The following PEPD variants were observed in gnomAD, a reference collection of about 807,000 sequenced individuals.
PEPD encodes the protein peptidase D.
Under a neutral mutation model 60.7 loss-of-function variants are expected in PEPD, and 53 were observed. The observed-to-expected ratio is 0.87, with a 90% confidence interval of 0.70 to 1.10. The LOEUF (loss-of-function observed/expected upper bound fraction) is 1.10, where lower values mean the gene tolerates loss of function less well. Ranked by LOEUF, PEPD falls within the 50% of genes least tolerant of loss-of-function variation. PEPD has a pLI of 0.00. For synonymous variants in PEPD, 267 were observed against 284.1 expected, an observed-to-expected ratio of 0.94 and a Z score of 0.60; for missense variants, 711 against 711.9, an observed-to-expected ratio of 1.00 and a Z score of 0.01.
intron 9 of PEPD, among the ~76,000 whole-genome samples, chr19:33,416,044 C>T (rs781540766): frequency 1.3e-5 from 2 of 152,130 alleles, no homozygotes; most frequent in Non-Finnish European, 2.9e-5. Context: ...GCAGCTGTGG[C>T]GGCACAGGGG....
intron 12 of PEPD, among the ~76,000 whole-genome samples, chr19:33,393,604 C>T (rs1968290613): frequency 6.7e-6 from 1 of 149,490 alleles, no homozygotes; most frequent in Non-Finnish European, 1.5e-5. Context: ...CTCTCAGAGC[C>T]TCTGTGTCAC....
At chr19:33,503,590 C>A (rs1970750050) in intron 3 of PEPD, among the ~76,000 whole-genome samples, 1 of 152,200 alleles carries the variant, frequency 6.6e-6, no homozygotes, top group Non-Finnish European at 1.5e-5. Flanking sequence ...AGCAACCACA[C>A]TCTCAGCACC....
chr19:33,494,100 G>A (rs1970551137), intron 4 of PEPD, among the ~76,000 whole-genome samples: 1 of 152,130 alleles, frequency 6.6e-6, no homozygotes, highest in Non-Finnish European at 1.5e-5. Context: ...CCAGCAAAGT[G>A]CCATGTGCCA....
At chr19:33,468,899 G>T (rs1356940642) in intron 7 of PEPD, among the ~76,000 whole-genome samples, 1 of 152,196 alleles carries the variant, frequency 6.6e-6, no homozygotes, top group African/African-American at 2.4e-5. Flanking sequence ...CTGGGACCAG[G>T]CACTTGCTCC....
intron 3 of PEPD, among the ~76,000 whole-genome samples, chr19:33,505,236 T>TCGCCGACTCTCACTCTGCTCTCC (rs1240150676): frequency 1.3e-5 from 2 of 151,924 alleles, no homozygotes; most frequent in Non-Finnish European, 2.9e-5. Flanking sequence ...CAATGCTGCC[T>TCGCCGACTCTCACTCTGCTCTCC]CGCCGACTCT....
intron 7 of PEPD, among the ~76,000 whole-genome samples, chr19:33,464,758 C>A (rs1480081613): frequency 6.6e-6 from 1 of 152,156 alleles, no homozygotes; most frequent in Non-Finnish European, 1.5e-5. Flanking sequence ...ACTCCTGAGG[C>A]TTCCAGGTCC....
chr19:33,468,087 G>A (rs1485991562), intron 7 of PEPD, among the ~76,000 whole-genome samples: 1 of 152,134 alleles, frequency 6.6e-6, no homozygotes, highest in African/African-American at 2.4e-5. Context: ...GAGCCCTTTC[G>A]GTTTGGGGCT....
intron 1 of PEPD, among the ~76,000 whole-genome samples, chr19:33,515,570 C>T (rs1971009936): frequency 6.6e-6 from 1 of 152,094 alleles, no homozygotes; most frequent in Non-Finnish European, 1.5e-5. Context: ...GCCTCCCACG[C>T]CCTTTCCCTT....
At chr19:33,442,542 T>TACAA (rs199808014) in intron 9 of PEPD, among the ~76,000 whole-genome samples, 1,471 of 97,172 alleles carry the variant, frequency 0.015, 19 homozygotes, top group South Asian at 0.078. Context: ...CTACTAAAAA[T>TACAA]AAAATAAAAA....
In PEPD at chr19:33,459,440, C is replaced by T. The variant is rs1001987528; in HGVS notation, c.671+3555G>A. 5.3e-5 allele frequency among the ~76,000 whole-genome samples: 8 copies of T among 152,150 alleles called. No individual in the cohort carries two copies. The South Asian group carries it at 8.3e-4, about 16-fold the overall frequency. ...GTAATGGATCCGGCCGCCAGCCCCA[C>T]GCCAGCTGGCTACAAGCTGGGTACG... On this transcript the variant is annotated intron_variant, in intron 9 of 14. Transcript: ENST00000244137.
At chr19:33,443,631 T>G (rs1266913150) in intron 9 of PEPD, among the ~76,000 whole-genome samples, 1 of 152,148 alleles carries the variant, frequency 6.6e-6, no homozygotes, top group Non-Finnish European at 1.5e-5. Context: ...AGATAGGAAA[T>G]TTTTTGAAAA....
chr19:33,429,783 C>CA (rs1320768984), intron 9 of PEPD, among the ~76,000 whole-genome samples: 1 of 152,130 alleles, frequency 6.6e-6, no homozygotes, highest in Non-Finnish European at 1.5e-5. Flanking sequence ...AATTACAGAG[C>CA]AATAAGTCAC....
Position 33,401,771 on chromosome 19 carries a change from T to G in PEPD, c.917A>C (p.Tyr306Ser). 6.2e-7 allele frequency: 1 copy of G among 1,611,660 alleles called. No homozygotes were observed. The highest frequency in any genetic ancestry group is 1.1e-5 in the South Asian group (1 of 90,722). Residue 306 changes from tyrosine to serine, a missense_variant, in exon 12 of 15, where the codon TAT becomes TCT. By Grantham distance (144) the Tyr-to-Ser change is moderately radical (BLOSUM62 -2). Transcript: ENST00000244137. ...ACGGGAGCTCCGCAGCACTGCCTCA[T>G]AGACGGCCTTCTGGTCTGCAGTGAA... is the stretch of plus-strand genomic sequence containing the variant. ...GKFTADQKAV[Y>S]EAVLRSSRAV...
intron 3 of PEPD, among the ~76,000 whole-genome samples, chr19:33,501,596 G>C (rs972186721): frequency 6.6e-6 from 1 of 152,108 alleles, no homozygotes; most frequent in Non-Finnish European, 1.5e-5. Context: ...AGAGTCACTT[G>C]AACCCAGGAG....
At chr19:33,479,360 A>C (rs1452057476) in intron 6 of PEPD, among the ~76,000 whole-genome samples, 1 of 152,218 alleles carries the variant, frequency 6.6e-6, no homozygotes, top group Non-Finnish European at 1.5e-5. Context: ...CTTTAGATGT[A>C]AATGGATTAA....
chr19:33,473,973 T>C (rs1317044475), intron 7 of PEPD, among the ~76,000 whole-genome samples: 1 of 152,208 alleles, frequency 6.6e-6, no homozygotes, highest in African/African-American at 2.4e-5. Flanking sequence ...GAAAGCGAGT[T>C]TGCCTGTGCT....
intron 9 of PEPD, among the ~76,000 whole-genome samples, chr19:33,443,554 C>T (rs1004440456): frequency 6.6e-6 from 1 of 151,980 alleles, no homozygotes; most frequent in African/African-American, 2.4e-5. Context: ...ATACCATGTG[C>T]CATGATAAAT....
intron 7 of PEPD, among the ~76,000 whole-genome samples, chr19:33,465,503 C>T (rs1029192756): frequency 5.3e-5 from 8 of 152,240 alleles, no homozygotes; most frequent in South Asian, 2.1e-4. Flanking sequence ...TCAGCTCCCT[C>T]GCTTCAGCTG....
At chr19:33,503,582 CA>C (rs2145339179) in intron 3 of PEPD, among the ~76,000 whole-genome samples, 1 of 152,306 alleles carries the variant, frequency 6.6e-6, no homozygotes, top group African/African-American at 2.4e-5. Context: ...TGCTACTGAG[CA>C]ACCACACTCT....
Sources: gnomAD v4.1 joint callset for allele counts (sites outside exome capture counted in the v4.1 genomes callset) on GRCh38, gnomAD v4.1.1 for gene constraint, MANE v1.5 for transcripts, NCBI Gene and HGNC (gene_info 2026-07-23, HGNC 2026-07-21) for gene names.